The following PROM1 variants were observed in gnomAD, a reference collection of about 807,000 sequenced individuals.
PROM1 encodes prominin-1.
In PROM1, 105 loss-of-function variants were observed where a neutral mutation model predicts 116.9. The ratio of observed to expected loss-of-function variants is 0.90; its 90% CI spans 0.77 to 1.06. PROM1 has a LOEUF of 1.06. Among genes scored for constraint, PROM1 ranks in the 50% least tolerant of loss-of-function variants. The pLI is 0.00. For synonymous variants in PROM1, 393 were observed against 387.0 expected, an observed-to-expected ratio of 1.02 and a Z score of -0.18; for missense variants, 1,122 against 1,045.2, an observed-to-expected ratio of 1.07 and a Z score of -1.01.
rs1382745935 is a variant in PROM1, at chr4:15,985,961, A to G, written c.2207T>C (p.Ile736Thr). ...ACTTTAAAAAAGAAGGCTCACCTCA[A>G]TAATAACAGAGGAAGTATTGTTTGT... ...FITNNTSSVI[I>T]EETKKYGRTI... Residue 736 changes from isoleucine to threonine, a missense_variant, in exon 21 of 28, where the codon ATT becomes ACT. Transcript: ENST00000447510. 2.2e-5 allele frequency: 24 copies of G among 1,085,306 alleles called. No individual in the cohort carries two copies. The highest frequency in any genetic ancestry group is 2.4e-4 in the Middle Eastern group (1 of 4,152). The allele number at this position is 1,085,306 out of a possible 1,614,324, so 67.2% of individuals were successfully genotyped here.
intron 13 of PROM1, among the ~76,000 whole-genome samples, chr4:16,006,315 G>A (rs1482479929): frequency 6.6e-6 from 1 of 150,388 alleles, no homozygotes; most frequent in Non-Finnish European, 1.5e-5. Context: ...GTAATTTAGT[G>A]TTGTTGTTGT....
At chr4:16,015,638 C>A (rs1430338246) in intron 10 of PROM1, among the ~76,000 whole-genome samples, 1 of 151,570 alleles carries the variant, frequency 6.6e-6, no homozygotes, top group Non-Finnish European at 1.5e-5. Flanking sequence ...TGCAGTGAGC[C>A]GAGATCGTAC....
At chr4:16,051,374 C>A (rs1375577320) in intron 2 of PROM1, among the ~76,000 whole-genome samples, 1 of 152,228 alleles carries the variant, frequency 6.6e-6, no homozygotes, top group Admixed American at 6.5e-5. Context: ...TCTGTGCCTT[C>A]GTTTCCTCTT....
intron 2 of PROM1, among the ~76,000 whole-genome samples, chr4:16,054,721 A>C (rs1471963211): frequency 6.6e-6 from 1 of 152,162 alleles, no homozygotes; most frequent in Non-Finnish European, 1.5e-5. Context: ...GTCTCCCTTC[A>C]AATGAGACCC....
chr4:16,059,562 G>A (rs781234787), intron 2 of PROM1, among the ~76,000 whole-genome samples: 7 of 152,080 alleles, frequency 4.6e-5, no homozygotes, highest in Non-Finnish European at 8.8e-5. Flanking sequence ...AAAATTAGTC[G>A]GGTGGGGTGG....
intron 1 of PROM1, chr4:16,082,673 G>A (rs899929328): frequency 5.3e-5 from 8 of 152,212 alleles, no homozygotes; most frequent in African/African-American, 1.9e-4. Context: ...AGGGGAGGGG[G>A]TTGCCGGAGT....
chr4:15,973,361 C>T (rs1283924757), intron 26 of PROM1, among the ~76,000 whole-genome samples: 1 of 152,090 alleles, frequency 6.6e-6, no homozygotes, highest in African/African-American at 2.4e-5. Context: ...GCACAAGAAT[C>T]GCTTGAACCC....
At chr4:16,078,893 A>T (rs1287170312) in intron 1 of PROM1, among the ~76,000 whole-genome samples, 5 of 152,106 alleles carry the variant, frequency 3.3e-5, no homozygotes, top group Non-Finnish European at 2.9e-5. Context: ...CTACCAATAC[A>T]AGGGCCCCAA....
intron 26 of PROM1, among the ~76,000 whole-genome samples, chr4:15,975,103 A>G (rs1715763950): frequency 6.6e-6 from 1 of 152,196 alleles, no homozygotes; most frequent in African/African-American, 2.4e-5. Flanking sequence ...ATAAGAAAAG[A>G]TTATGGTCAT....
At chr4:16,056,255 G>A (rs991926177) in intron 2 of PROM1, among the ~76,000 whole-genome samples, 1 of 152,178 alleles carries the variant, frequency 6.6e-6, no homozygotes, top group Admixed American at 6.5e-5. Context: ...GCTGCAACCA[G>A]ATTTAGGATT....
chr4:16,033,220 TA>T, intron 5 of PROM1, 83 bp downstream of exon 5: 8 of 1,253,298 alleles, frequency 6.4e-6, no homozygotes, highest in Non-Finnish European at 8.8e-6. Flanking sequence ...TGTTTAGTTT[TA>T]AACTCATGGT....
At chr4:15,972,792 A>G (rs930317219) in intron 26 of PROM1, among the ~76,000 whole-genome samples, 6 of 151,988 alleles carry the variant, frequency 3.9e-5, no homozygotes, top group Non-Finnish European at 7.4e-5. Context: ...GACATCTGAG[A>G]CTCTCCTGTC....
intron 19 of PROM1, among the ~76,000 whole-genome samples, chr4:15,988,077 C>G (rs376630182): frequency 6.6e-6 from 1 of 152,050 alleles, no homozygotes. Context: ...GGGGTTTCAC[C>G]GTGTTAGCCA....
At chr4:16,012,864 C>T in intron 11 of PROM1, among the ~76,000 whole-genome samples, 1 of 110,954 alleles carries the variant, frequency 9.0e-6, no homozygotes, top group East Asian at 2.7e-4. Flanking sequence ...GAGCGAGACT[C>T]TGTCTCAAAA....
chr4:15,989,460 G>C (rs1040162586), intron 19 of PROM1, among the ~76,000 whole-genome samples: 1 of 152,246 alleles, frequency 6.6e-6, no homozygotes, highest in African/African-American at 2.4e-5. Context: ...GCATAGGAGG[G>C]CCTGCTCACA....
At chr4:16,017,443 T>C (rs1200213736) in intron 9 of PROM1, among the ~76,000 whole-genome samples, 1 of 152,208 alleles carries the variant, frequency 6.6e-6, no homozygotes. Flanking sequence ...CAGACACAGA[T>C]GTCGCAGGTG....
intron 1 of PROM1, among the ~76,000 whole-genome samples, chr4:16,081,847 CAG>C (rs1745101069): frequency 1.3e-5 from 2 of 151,060 alleles, no homozygotes; most frequent in Admixed American, 1.3e-4. Flanking sequence ...GTTTAGAAAT[CAG>C]AAAGAAGTTT....
chr4:16,078,459 C>T (rs771932327), intron 1 of PROM1, among the ~76,000 whole-genome samples: 1 of 152,240 alleles, frequency 6.6e-6, no homozygotes, highest in Non-Finnish European at 1.5e-5. Flanking sequence ...TCCAGAGCTA[C>T]AGGGCAAGTG....
At chr4:16,072,245 T>TTG (rs2149567498) in intron 2 of PROM1, among the ~76,000 whole-genome samples, 1 of 152,274 alleles carries the variant, frequency 6.6e-6, no homozygotes, top group Admixed American at 6.5e-5. Context: ...TTCCTGGGGA[T>TTG]ACAAGAAGGG....
Sources: allele counts gnomAD v4.1 joint callset (sites outside exome capture counted in the v4.1 genomes callset), GRCh38; gene constraint gnomAD v4.1.1; transcripts MANE v1.5; gene names NCBI Gene and HGNC (gene_info 2026-07-23, HGNC 2026-07-21).